Variants in GRM5 observed in about 807,000 individuals in gnomAD.
GRM5 encodes the protein metabotropic glutamate receptor 5.
Under a neutral mutation model 83.1 loss-of-function variants are expected in GRM5, and 19 were observed. The observed-to-expected ratio is 0.23, with a 90% CI of 0.16 to 0.34. The LOEUF (loss-of-function observed/expected upper bound fraction) is 0.34. Ranked by LOEUF, GRM5 falls within the 10% of genes least tolerant of loss-of-function variation. The pLI, the probability that GRM5 is intolerant of heterozygous loss-of-function variation, is 1.00. For missense variants in GRM5, 1,160 were observed against 1,588.3 expected, an observed-to-expected ratio of 0.73 and a Z score of 4.58; for synonymous variants, 675 against 633.6, an observed-to-expected ratio of 1.07 and a Z score of -0.98.
chr11:88,796,478 C>T (rs1238134521), intron 3 of GRM5, among the ~76,000 whole-genome samples: 1 of 152,080 alleles, frequency 6.6e-6, no homozygotes, highest in East Asian at 1.9e-4. Context: ...ACATATGACA[C>T]TCACCACATG....
At chr11:88,749,755 C>G (rs111525051) in intron 3 of GRM5, among the ~76,000 whole-genome samples, 171 of 152,254 alleles carry the variant, frequency 1.1e-3, no homozygotes, top group African/African-American at 3.9e-3. Flanking sequence ...TCAGCAGAAA[C>G]CCTACAAGCC....
At chr11:88,959,619 C>G (rs190683541) in intron 2 of GRM5, among the ~76,000 whole-genome samples, 52 of 152,228 alleles carry the variant, frequency 3.4e-4, no homozygotes, top group African/African-American at 1.2e-3. Context: ...TTGAGATACT[C>G]TATTTCAAGA....
intron 3 of GRM5, among the ~76,000 whole-genome samples, chr11:88,753,642 A>G (rs1383389979): frequency 4.6e-5 from 7 of 152,196 alleles, no homozygotes; most frequent in Non-Finnish European, 1.0e-4. Context: ...TTGAAGCACT[A>G]TTCACAGTAG....
chr11:89,052,529 A>G (rs747870247), intron 1 of GRM5, among the ~76,000 whole-genome samples: 9 of 152,296 alleles, frequency 5.9e-5, no homozygotes, highest in Middle Eastern at 3.4e-3. Flanking sequence ...TTCCATGTAC[A>G]TTCTATACAC....
intron 3 of GRM5, among the ~76,000 whole-genome samples, chr11:88,829,471 A>C (rs1188987862): frequency 6.6e-6 from 1 of 152,152 alleles, no homozygotes; most frequent in Non-Finnish European, 1.5e-5. Flanking sequence ...AAAAACAAAC[A>C]AACAAACATC....
intron 2 of GRM5, among the ~76,000 whole-genome samples, chr11:88,935,237 G>A (rs1485963530): frequency 6.6e-6 from 1 of 151,886 alleles, no homozygotes; most frequent in Non-Finnish European, 1.5e-5. Flanking sequence ...TGTGTTGGCT[G>A]TCAATTTTCA....
At chr11:88,755,961 AT>A (rs1424097634) in intron 3 of GRM5, among the ~76,000 whole-genome samples, 7 of 152,136 alleles carry the variant, frequency 4.6e-5, no homozygotes, top group Admixed American at 4.6e-4. Context: ...AGCCAAAAAA[AT>A]ATGACTCTAC....
At chr11:89,035,328 A>G (rs1176373446) in intron 2 of GRM5, among the ~76,000 whole-genome samples, 2 of 151,788 alleles carry the variant, frequency 1.3e-5, no homozygotes, top group Non-Finnish European at 2.9e-5. Context: ...ATATTTTTTC[A>G]GCTTCTCAAA....
chr11:88,865,523 C>T (rs1165150797), intron 2 of GRM5, among the ~76,000 whole-genome samples: 3 of 152,060 alleles, frequency 2.0e-5, no homozygotes, highest in African/African-American at 7.2e-5. Flanking sequence ...GACTAAAACA[C>T]CAAAAGCAAT....
intron 2 of GRM5, among the ~76,000 whole-genome samples, chr11:89,020,948 T>C (rs1189755798): frequency 1.3e-5 from 2 of 152,178 alleles, no homozygotes; most frequent in East Asian, 3.9e-4. Context: ...ATCCAGGATA[T>C]TCTGTTTACC....
At chr11:88,647,480 C>T (rs551732250) in intron 4 of GRM5, among the ~76,000 whole-genome samples, 3 of 152,054 alleles carry the variant, frequency 2.0e-5, no homozygotes, top group South Asian at 4.1e-4. Flanking sequence ...CTGGGGGCTA[C>T]AAGAGAGGCT....
intron 2 of GRM5, among the ~76,000 whole-genome samples, chr11:89,040,442 G>A (rs1233888981): frequency 1.3e-5 from 2 of 152,178 alleles, no homozygotes; most frequent in Non-Finnish European, 2.9e-5. Flanking sequence ...GGTTGTCGTA[G>A]CTCACACCTG....
chr11:88,943,644 C>G (rs1012061377), intron 2 of GRM5, among the ~76,000 whole-genome samples: 3 of 152,028 alleles, frequency 2.0e-5, no homozygotes, highest in African/African-American at 7.2e-5. Context: ...GGACTTTACC[C>G]TTTCCTTCCC....
intron 2 of GRM5, among the ~76,000 whole-genome samples, chr11:89,025,905 C>G (rs1941118915): frequency 6.6e-6 from 1 of 152,130 alleles, no homozygotes; most frequent in Non-Finnish European, 1.5e-5. Flanking sequence ...CAGCACTATT[C>G]ACAATAGCAA....
At chr11:88,801,237 T>C (rs1164229209) in intron 3 of GRM5, among the ~76,000 whole-genome samples, 1 of 152,164 alleles carries the variant, frequency 6.6e-6, no homozygotes, top group Non-Finnish European at 1.5e-5. Flanking sequence ...GCCATGTAGA[T>C]ACTGAGAAGC....
In GRM5 at chr11:88,920,330, G is replaced by A. The variant is rs113352917; in HGVS notation, c.662-70175C>T. Among the ~76,000 whole-genome samples, 1,004 of 149,460 alleles carry A rather than the reference G, an allele frequency of 6.7e-3. 7 individuals carry two copies. The highest frequency in any genetic ancestry group is 0.023 in the African/African-American group (929 of 40,590). On this transcript the variant is annotated intron_variant, in intron 2 of 9. Coordinates refer to ENST00000305447, the MANE Select transcript of GRM5 (RefSeq NM_001143831.3). Reference sequence around the variant, plus strand: ...ATTCCTAGACACATACAAATTACCAGTATCAAATGATGAAGAAATCTAAAA... The same window carrying A: ...ATTCCTAGACACATACAAATTACCAATATCAAATGATGAAGAAATCTAAAA...
At chr11:89,001,158 A>G (rs1384646646) in intron 2 of GRM5, among the ~76,000 whole-genome samples, 1 of 151,564 alleles carries the variant, frequency 6.6e-6, no homozygotes, top group South Asian at 2.1e-4. Flanking sequence ...TTCTTGGTGG[A>G]AAAAAAAATT....
At chr11:89,056,256 G>T (rs1015458197) in intron 1 of GRM5, among the ~76,000 whole-genome samples, 5 of 152,100 alleles carry the variant, frequency 3.3e-5, no homozygotes, top group African/African-American at 9.7e-5. Flanking sequence ...TTCACTCCAA[G>T]ATCTGTCTCA....
intron 9 of GRM5, among the ~76,000 whole-genome samples, chr11:88,522,082 C>A (rs1057226735): frequency 6.6e-6 from 1 of 152,144 alleles, no homozygotes; most frequent in African/African-American, 2.4e-5. Flanking sequence ...TCCCCTTAAC[C>A]CCTCCCTGGA....
Sources: gnomAD v4.1 joint callset for allele counts (sites outside exome capture counted in the v4.1 genomes callset) on GRCh38, gnomAD v4.1.1 for gene constraint, MANE v1.5 for transcripts, NCBI Gene and HGNC (gene_info 2026-07-23, HGNC 2026-07-21) for gene names.